The following MAGI1 variants were observed in gnomAD, a reference collection of about 807,000 sequenced individuals.
MAGI1 encodes the protein membrane-associated guanylate kinase, WW and PDZ domain-containing protein 1.
Under a neutral mutation model 139.9 loss-of-function variants are expected in MAGI1, and 58 were observed. The observed-to-expected ratio is 0.41, with a 90% confidence interval of 0.34 to 0.52. The LOEUF is 0.52. Ranked by LOEUF, MAGI1 falls within the 20% of genes least tolerant of loss-of-function variation. The probability of loss-of-function intolerance (pLI) is 0.12; values close to 1 mark genes in which losing one functional copy is unlikely to be tolerated. For missense variants in MAGI1, 1,874 were observed against 1,901.6 expected, an observed-to-expected ratio of 0.99 and a Z score of 0.27; for synonymous variants, 812 against 737.9, an observed-to-expected ratio of 1.10 and a Z score of -1.63.
intron 1 of MAGI1, among the ~76,000 whole-genome samples, chr3:65,793,713 G>C (rs777362420): frequency 6.6e-5 from 10 of 152,084 alleles, no homozygotes; most frequent in Non-Finnish European, 1.5e-4. Flanking sequence ...TGTCTGGGAG[G>C]ACTGCATTTC....
intron 1 of MAGI1, among the ~76,000 whole-genome samples, chr3:65,631,424 C>T (rs962157606): frequency 6.6e-6 from 1 of 152,142 alleles, no homozygotes. Context: ...GTTTTAAGGG[C>T]TACGTAGTAT....
chr3:65,966,261 A>C (rs914444944), intron 1 of MAGI1, among the ~76,000 whole-genome samples: 2 of 152,192 alleles, frequency 1.3e-5, no homozygotes, highest in African/African-American at 4.8e-5. Context: ...ATACAGCAAA[A>C]GCCCTCTGAA....
At chr3:66,007,514 C>A (rs951064701) in intron 1 of MAGI1, among the ~76,000 whole-genome samples, 1 of 152,074 alleles carries the variant, frequency 6.6e-6, no homozygotes, top group Non-Finnish European at 1.5e-5. Flanking sequence ...AGGAGGAGAG[C>A]GAGGAAGAGG....
At chr3:65,455,195 C>T (rs965489204) in intron 5 of MAGI1, among the ~76,000 whole-genome samples, 1 of 152,108 alleles carries the variant, frequency 6.6e-6, no homozygotes, top group Non-Finnish European at 1.5e-5. Flanking sequence ...TTACCTAGAA[C>T]CCATCAATAA....
At chr3:65,578,686 G>A (rs985552672) in intron 2 of MAGI1, among the ~76,000 whole-genome samples, 4 of 152,246 alleles carry the variant, frequency 2.6e-5, no homozygotes, top group South Asian at 2.1e-4. Flanking sequence ...TTGGGACGCC[G>A]AGGTGGGTGG....
rs760613323 is a variant in MAGI1 at position 66,038,159 on chromosome 3, G to A, written c.150C>T (p.Val50=). ...EFPYVGAVAA[V]EAAGLPGGGE... The stretch of plus-strand genomic sequence containing the variant: ...CGCCGCCGGGAAGCCCCGCTGCCTC[G>A]ACCGCCGCCACCGCTCCGACGTACG... The change falls in exon 1 of 23, where the codon GTC becomes GTT. Residue 50 remains valine, a synonymous_variant. Coordinates refer to ENST00000402939, the MANE Select transcript of MAGI1 (RefSeq NM_001033057.2). 1.2e-6 allele frequency: 2 copies of A among 1,611,702 alleles called. No individual in the cohort carries two copies. The highest frequency in any genetic ancestry group is 1.7e-6 in the Non-Finnish European group (2 of 1,179,368).
intron 1 of MAGI1, among the ~76,000 whole-genome samples, chr3:65,821,713 C>G (rs1341473113): frequency 2.0e-5 from 3 of 152,154 alleles, no homozygotes; most frequent in Non-Finnish European, 2.9e-5. Flanking sequence ...GCAACATCAT[C>G]ATCACAATAC....
chr3:65,645,219 C>T (rs968118738), intron 1 of MAGI1, among the ~76,000 whole-genome samples: 18 of 151,688 alleles, frequency 1.2e-4, no homozygotes, highest in Middle Eastern at 6.3e-3. Flanking sequence ...GGTCAGCAAA[C>T]CCAAAATAGA....
intron 1 of MAGI1, among the ~76,000 whole-genome samples, chr3:65,948,262 A>C (rs963552354): frequency 6.6e-6 from 1 of 152,188 alleles, no homozygotes; most frequent in African/African-American, 2.4e-5. Context: ...TCTTTTTAAA[A>C]ATAATTGCTG....
chr3:65,389,777 T>G (rs1943752907), intron 14 of MAGI1, among the ~76,000 whole-genome samples: 1 of 152,180 alleles, frequency 6.6e-6, no homozygotes, highest in Admixed American at 6.5e-5. Flanking sequence ...CTGCTCAAAT[T>G]AGTGGGCTTT....
chr3:65,800,698 AAAAACT>A (rs1242870996), intron 1 of MAGI1, among the ~76,000 whole-genome samples: 6 of 152,204 alleles, frequency 3.9e-5, no homozygotes, highest in African/African-American at 1.2e-4. Flanking sequence ...GAGTGATAGC[AAAAACT>A]AAAACTAAAA....
chr3:65,407,446 C>CA lies in MAGI1; in HGVS notation c.2168-5977dup, dbSNP rs200345922. Reference sequence around the variant, plus strand: ...TGGGCGACAGAGTGAGACTCCGTCTCAAAAAAAAAAAAAAAAGGAAACAAT... The same window carrying CA: ...TGGGCGACAGAGTGAGACTCCGTCTCAAAAAAAAAAAAAAAAAGGAAACAAT... On this transcript the variant is annotated intron_variant, in intron 12 of 22. Transcript: ENST00000402939. Among the ~76,000 whole-genome samples the CA allele has an allele frequency of 4.6e-3, 445 of 97,802 alleles. 2 individuals are homozygous for CA. Among genetic ancestry groups the CA allele is most frequent in the Middle Eastern group, 0.02 (4 of 202 alleles). 64.2% of individuals were successfully genotyped at this position (97,802 alleles called of 152,430 possible). A position where few individuals can be genotyped will look rare whatever the true frequency, so the allele number is the denominator to read the frequency against.
At chr3:65,642,161 C>A (rs544658489) in intron 1 of MAGI1, among the ~76,000 whole-genome samples, 1 of 152,074 alleles carries the variant, frequency 6.6e-6, no homozygotes, top group Non-Finnish European at 1.5e-5. Context: ...AAACACAACT[C>A]AACATGACTG....
chr3:65,465,922 C>G (rs562984162), intron 5 of MAGI1, among the ~76,000 whole-genome samples: 1 of 152,198 alleles, frequency 6.6e-6, no homozygotes, highest in Admixed American at 6.5e-5. Context: ...TGGTTTTCTT[C>G]CCCCAGTTGA....
chr3:65,880,327 T>G (rs2060274302), intron 1 of MAGI1, among the ~76,000 whole-genome samples: 1 of 152,170 alleles, frequency 6.6e-6, no homozygotes. Context: ...ACAGTAGTGC[T>G]GGCAGTGATG....
intron 14 of MAGI1, among the ~76,000 whole-genome samples, chr3:65,388,285 CCA>C (rs1025222439): frequency 2.0e-5 from 3 of 152,156 alleles, no homozygotes; most frequent in African/African-American, 7.2e-5. Flanking sequence ...GTGTTAATCT[CCA>C]CATTGCCCCT....
intron 2 of MAGI1, among the ~76,000 whole-genome samples, chr3:65,505,424 C>T (rs1285442705): frequency 6.6e-6 from 1 of 150,414 alleles, no homozygotes; most frequent in Admixed American, 6.6e-5. Context: ...TGGGGCCAGG[C>T]ATGGTAGCTC....
chr3:65,688,946 T>C (rs908258900), intron 1 of MAGI1, among the ~76,000 whole-genome samples: 2 of 152,232 alleles, frequency 1.3e-5, no homozygotes, highest in Admixed American at 1.3e-4. Context: ...TTTATTTTTC[T>C]ACACTATCCC....
chr3:65,699,908 A>T (rs1028575261), intron 1 of MAGI1, among the ~76,000 whole-genome samples: 5 of 151,984 alleles, frequency 3.3e-5, no homozygotes, highest in Non-Finnish European at 7.4e-5. Context: ...AATAAAAAAA[A>T]AAAGAAATGC....
Sources: gnomAD v4.1 joint callset for allele counts (sites outside exome capture counted in the v4.1 genomes callset) on GRCh38, gnomAD v4.1.1 for gene constraint, MANE v1.5 for transcripts, NCBI Gene and HGNC (gene_info 2026-07-23, HGNC 2026-07-21) for gene names.